Variants in SGCD observed in about 807,000 individuals in gnomAD.
The protein encoded by SGCD is sarcoglycan delta, also known as delta-sarcoglycan.
In SGCD, 18 loss-of-function variants were observed where a neutral mutation model predicts 36.6. The ratio of observed to expected loss-of-function variants is 0.49; its 90% CI spans 0.34 to 0.73. The LOEUF is 0.73. Among genes scored for constraint, SGCD ranks in the 30% least tolerant of loss-of-function variants. The pLI, the probability that SGCD is intolerant of heterozygous loss-of-function variation, is 0.01. For synonymous variants in SGCD, 133 were observed against 130.6 expected (o/e 1.02, Z -0.12); for missense variants, 387 against 346.7 (o/e 1.12, Z -0.92).
chr5:156,263,979 A>G (rs1765936318), intron 3 of SGCD, among the ~76,000 whole-genome samples: 1 of 151,852 alleles, frequency 6.6e-6, no homozygotes, highest in Non-Finnish European at 1.5e-5. Context: ...AAATTTTAAG[A>G]TATGTCTTTT....
chr5:156,695,535 A>AGATAGATG (rs1561862050), intron 7 of SGCD, among the ~76,000 whole-genome samples: 6 of 132,668 alleles, frequency 4.5e-5, no homozygotes, highest in African/African-American at 2.0e-4. Context: ...ATAGATAGAT[A>AGATAGATG]GATAGATAGA....
At chr5:156,224,703 C>T (rs76264635) in intron 3 of SGCD, among the ~76,000 whole-genome samples, 256 of 152,236 alleles carry the variant, frequency 1.7e-3, no homozygotes, top group African/African-American at 5.8e-3. Context: ...AATTCATACC[C>T]AGCAAACAAG....
At chr5:156,740,020 G>T (rs1011760100) in intron 7 of SGCD, among the ~76,000 whole-genome samples, 57 of 152,334 alleles carry the variant, frequency 3.7e-4, no homozygotes, top group African/African-American at 1.3e-3. Context: ...CAGTTCCTTT[G>T]AATCAGACTC....
chr5:155,908,150 CAG>C (rs1285808906), intron 1 of SGCD, among the ~76,000 whole-genome samples: 1 of 152,082 alleles, frequency 6.6e-6, no homozygotes, highest in African/African-American at 2.4e-5. Context: ...TATATTAAGA[CAG>C]AATGCTATTA....
At chr5:155,972,327 A>G (rs1042640984) in intron 1 of SGCD, among the ~76,000 whole-genome samples, 3 of 152,026 alleles carry the variant, frequency 2.0e-5, no homozygotes, top group Admixed American at 2.0e-4. Flanking sequence ...TGTCCTTTTT[A>G]TTTTTGGAAT....
At chr5:156,390,870 A>C (rs2127754601) in intron 3 of SGCD, among the ~76,000 whole-genome samples, 1 of 152,344 alleles carries the variant, frequency 6.6e-6, no homozygotes, top group Middle Eastern at 3.4e-3. Context: ...AAAGAGTCAA[A>C]ATGCTTACAA....
intron 3 of SGCD, among the ~76,000 whole-genome samples, chr5:156,194,246 G>A (rs567978001): frequency 6.6e-6 from 1 of 152,246 alleles, no homozygotes; most frequent in Non-Finnish European, 1.5e-5. Context: ...GGGCATGGTG[G>A]TATACACTTG....
At chr5:156,755,462 A>G (rs1033536162) in intron 7 of SGCD, among the ~76,000 whole-genome samples, 4 of 152,220 alleles carry the variant, frequency 2.6e-5, no homozygotes, top group African/African-American at 9.6e-5. Flanking sequence ...AAAAAAAACC[A>G]TCTTCATATC....
At chr5:156,613,520 T>C (rs937858190) in intron 6 of SGCD, among the ~76,000 whole-genome samples, 3 of 152,222 alleles carry the variant, frequency 2.0e-5, no homozygotes, top group Non-Finnish European at 4.4e-5. Flanking sequence ...AATGGAGAGA[T>C]TAAAGGCCAG....
intron 3 of SGCD, among the ~76,000 whole-genome samples, chr5:156,166,957 G>A (rs1338690527): frequency 6.6e-6 from 1 of 152,122 alleles, no homozygotes; most frequent in Non-Finnish European, 1.5e-5. Flanking sequence ...TAATAGGCTT[G>A]CTCTCCTTGA....
chr5:155,982,267 C>T (rs1271129389), intron 1 of SGCD, among the ~76,000 whole-genome samples: 3 of 152,164 alleles, frequency 2.0e-5, no homozygotes, highest in African/African-American at 7.2e-5. Flanking sequence ...CTACTTTTCC[C>T]TGATAAGTAT....
At chr5:155,937,030 G>A (rs999542330) in intron 1 of SGCD, among the ~76,000 whole-genome samples, 1 of 152,136 alleles carries the variant, frequency 6.6e-6, no homozygotes, top group Non-Finnish European at 1.5e-5. Flanking sequence ...ACCAGACAGG[G>A]GTAGCAGACA....
chr5:156,701,511 G>C (rs888554871), intron 7 of SGCD, among the ~76,000 whole-genome samples: 1 of 152,106 alleles, frequency 6.6e-6, no homozygotes, highest in Non-Finnish European at 1.5e-5. Context: ...TTCAGTCAAA[G>C]TCAGATCTTA....
At chr5:156,648,545 A>G (rs190423496) in intron 7 of SGCD, among the ~76,000 whole-genome samples, 46 of 152,276 alleles carry the variant, frequency 3.0e-4, no homozygotes, top group Admixed American at 1.4e-3. Flanking sequence ...TGCAAAGCCT[A>G]TAAGTCTGGA....
At chr5:155,811,768 C>G in the SGCD span, among the ~76,000 whole-genome samples, 2 of 152,116 alleles carry the variant, frequency 1.3e-5, no homozygotes, top group South Asian at 4.1e-4. Context: ...CAATAATGCA[C>G]TGGATATACC....
At chr5:155,909,293 G>T (rs998320178) in intron 1 of SGCD, among the ~76,000 whole-genome samples, 1 of 152,108 alleles carries the variant, frequency 6.6e-6, no homozygotes, top group Non-Finnish European at 1.5e-5. Flanking sequence ...CTTAAAAATA[G>T]TTGGTTTGCT....
chr5:156,577,680 T>C (rs1170479573), intron 4 of SGCD, among the ~76,000 whole-genome samples: 5 of 152,208 alleles, frequency 3.3e-5, no homozygotes, highest in African/African-American at 1.2e-4. Flanking sequence ...TTGTAGCAAT[T>C]GTGAATGGGA....
chr5:156,180,723 G>T (rs1169543900), intron 3 of SGCD, among the ~76,000 whole-genome samples: 1 of 152,084 alleles, frequency 6.6e-6, no homozygotes. Flanking sequence ...CTTGAAGAGG[G>T]GCTGGATGAT....
chr5:156,537,244 T>C (rs253603), intron 4 of SGCD, among the ~76,000 whole-genome samples: 65,744 of 151,828 alleles, frequency 0.43, 14,589 homozygotes, highest in Non-Finnish European at 0.49. Flanking sequence ...CCTTGGCACA[T>C]CTGTGTTTTG....
Sources: allele counts gnomAD v4.1 joint callset (sites outside exome capture counted in the v4.1 genomes callset), GRCh38; gene constraint gnomAD v4.1.1; transcripts MANE v1.5; gene names NCBI Gene and HGNC (gene_info 2026-07-23, HGNC 2026-07-21).